DMD: variants seen among roughly 807,000 people sequenced by gnomAD.
The protein encoded by DMD is dystrophin.
Under a neutral mutation model 330.1 loss-of-function variants are expected in DMD, and 63 were observed. That is an observed-to-expected ratio of 0.19 (90% CI 0.16 to 0.24). The LOEUF (loss-of-function observed/expected upper bound fraction) is 0.24. DMD is among the 10% of genes least tolerant of loss of function. DMD has a pLI of 1.00. For missense variants in DMD, 3,344 were observed against 2,684.1 expected, an observed-to-expected ratio of 1.25 and a Z score of -5.43; for synonymous variants, 1,223 against 959.8, an observed-to-expected ratio of 1.27 and a Z score of -5.07.
intron 43 of DMD, among the ~76,000 whole-genome samples, chrX:32,252,819 TATAA>T (rs1262121102): frequency 3.2e-5 from 2 of 62,239 alleles, no homozygotes; most frequent in Non-Finnish European, 5.2e-5. Context: ...TATATAAGTA[TATAA>T]ATATATATAA....
At chrX:31,286,194 T>C (rs999358946) in intron 62 of DMD, among the ~76,000 whole-genome samples, 1 of 112,381 alleles carries the variant, frequency 8.9e-6, no homozygotes, top group African/African-American at 3.2e-5. Flanking sequence ...CTAGACCTAA[T>C]AAGCTAAGAT....
chrX:32,999,321 C>T (rs1442821922), intron 2 of DMD, among the ~76,000 whole-genome samples: 1 of 111,556 alleles, frequency 9.0e-6, no homozygotes, highest in African/African-American at 3.3e-5. Flanking sequence ...AGCTCATCAT[C>T]TATCATTAGT....
chrX:33,061,101 C>T (rs1426869995), intron 1 of DMD, among the ~76,000 whole-genome samples: 1 of 111,824 alleles, frequency 8.9e-6, no homozygotes, highest in Non-Finnish European at 1.9e-5. Context: ...TAGACTCATC[C>T]GTTATATAAA....
chrX:32,716,338 G>T (rs1162349524), intron 7 of DMD, among the ~76,000 whole-genome samples: 1 of 110,352 alleles, frequency 9.1e-6, no homozygotes, highest in East Asian at 2.9e-4. Context: ...TTAAAAGTGT[G>T]TAGTACTGCC....
chrX:32,409,899 G>A (rs1220026507), intron 30 of DMD, among the ~76,000 whole-genome samples: 3 of 111,278 alleles, frequency 2.7e-5, no homozygotes, highest in African/African-American at 9.8e-5. Flanking sequence ...CCCTGCCGTG[G>A]TAGACACACT....
intron 4 of DMD, among the ~76,000 whole-genome samples, chrX:32,836,680 T>A (rs1016809048): frequency 1.8e-5 from 2 of 111,850 alleles, no homozygotes; most frequent in African/African-American, 6.5e-5. Flanking sequence ...CCATTTCTCA[T>A]GGGTTTTCAT....
chrX:32,164,596 C>T (rs1382360190), intron 44 of DMD, among the ~76,000 whole-genome samples: 1 of 111,597 alleles, frequency 9.0e-6, no homozygotes, highest in East Asian at 2.8e-4. Flanking sequence ...AAATTTGCAA[C>T]CTGACAATGC....
intron 44 of DMD, among the ~76,000 whole-genome samples, chrX:32,075,462 T>C (rs1377825725): frequency 8.9e-6 from 1 of 112,011 alleles, no homozygotes; most frequent in African/African-American, 3.2e-5. Flanking sequence ...ATGAGGGCAT[T>C]GGAAGGCAAA....
At chrX:33,308,951 A>T (rs1003367969) in intron 1 of DMD, among the ~76,000 whole-genome samples, 1 of 111,591 alleles carries the variant, frequency 9.0e-6, no homozygotes, top group Non-Finnish European at 1.9e-5. Flanking sequence ...CACAGTCAGT[A>T]AACATTTTAT....
At chrX:32,343,887 T>A (rs143511483) in intron 39 of DMD, among the ~76,000 whole-genome samples, 1,198 of 112,114 alleles carry the variant, frequency 0.011, 10 homozygotes, top group African/African-American at 0.036. Flanking sequence ...CGTATATTGG[T>A]GAACATAACT....
At chrX:32,181,781 C>T (rs745615363) in intron 44 of DMD, among the ~76,000 whole-genome samples, 11 of 110,997 alleles carry the variant, frequency 9.9e-5, no homozygotes, top group Non-Finnish European at 1.7e-4. Flanking sequence ...GTATATTTTC[C>T]ATGTGAAAAC....
At chrX:33,233,179 C>A (rs2052418824) in intron 1 of DMD, among the ~76,000 whole-genome samples, 1 of 111,518 alleles carries the variant, frequency 9.0e-6, no homozygotes, top group African/African-American at 3.3e-5. Context: ...CATATTGTAA[C>A]CTATAAATAC....
chrX:32,965,860 T>A (rs954296064), intron 2 of DMD, among the ~76,000 whole-genome samples: 10 of 111,959 alleles, frequency 8.9e-5, no homozygotes, highest in African/African-American at 2.9e-4. Flanking sequence ...ATCATTATAG[T>A]TTGTCTAGGT....
chrX:32,902,158 A>ACACACACAC (rs2086311170), intron 2 of DMD, among the ~76,000 whole-genome samples: 2 of 86,637 alleles, frequency 2.3e-5, no homozygotes, highest in African/African-American at 9.2e-5. Flanking sequence ...CACACACACA[A>ACACACACAC]ACACACACAC....
At chrX:31,895,844 C>T (rs1047605442) in intron 47 of DMD, among the ~76,000 whole-genome samples, 8 of 111,773 alleles carry the variant, frequency 7.2e-5, no homozygotes, top group African/African-American at 1.6e-4. Context: ...TTCTCTAAAG[C>T]GCGGCATAAT....
intron 34 of DMD, among the ~76,000 whole-genome samples, chrX:32,371,388 T>C (rs1432099515): frequency 2.7e-5 from 3 of 110,737 alleles, no homozygotes; most frequent in Admixed American, 9.7e-5. Flanking sequence ...AAGACTACTG[T>C]TAATAAAACA....
intron 62 of DMD, among the ~76,000 whole-genome samples, chrX:31,276,805 G>A (rs1603284074): frequency 8.9e-6 from 1 of 111,875 alleles, no homozygotes; most frequent in East Asian, 2.8e-4. Context: ...AAAGAAGTCA[G>A]ACACAAAAGA....
intron 50 of DMD, among the ~76,000 whole-genome samples, chrX:31,816,092 C>A (rs1265398754): frequency 8.9e-6 from 1 of 112,335 alleles, no homozygotes; most frequent in East Asian, 2.8e-4. Flanking sequence ...AATCACAGAG[C>A]AAACTTCAGA....
chrX:32,373,610 A>AT (rs944391643), intron 34 of DMD, among the ~76,000 whole-genome samples: 1 of 111,706 alleles, frequency 9.0e-6, no homozygotes, highest in Non-Finnish European at 1.9e-5. Flanking sequence ...TCTTCTTTTG[A>AT]TTTTTTCCAA....
Sources: allele counts gnomAD v4.1 joint callset (sites outside exome capture counted in the v4.1 genomes callset), GRCh38; gene constraint gnomAD v4.1.1; transcripts MANE v1.5; gene names NCBI Gene and HGNC (gene_info 2026-07-23, HGNC 2026-07-21).